Variants in CNTN6 observed in about 807,000 individuals in gnomAD.
CNTN6 encodes contactin 6, also known as contactin-6.
CNTN6 carries 137 observed loss-of-function variants against 122.8 expected under a neutral mutation model. That is an observed-to-expected ratio of 1.12 (90% confidence interval 0.97 to 1.29). CNTN6 has a LOEUF of 1.29. Among genes scored for constraint, CNTN6 ranks in the 50% most tolerant of loss-of-function variants. The pLI is 0.00. For missense variants in CNTN6, 1,634 were observed against 1,223.4 expected (o/e 1.34, Z -5.01); for synonymous variants, 570 against 426.0 (o/e 1.34, Z -4.16).
chr3:1,243,268 G>C (rs540058915), intron 4 of CNTN6, among the ~76,000 whole-genome samples: 106 of 152,302 alleles, frequency 7.0e-4, no homozygotes, highest in African/African-American at 2.3e-3. Context: ...TCTGGCACTT[G>C]TAGCAAGCTC....
chr3:1,191,676 T>TGGAC (rs1174680848), intron 2 of CNTN6, among the ~76,000 whole-genome samples: 1 of 152,182 alleles, frequency 6.6e-6, no homozygotes, highest in African/African-American at 2.4e-5. Context: ...AGCAGAAGTG[T>TGGAC]GGACACCCTG....
At chr3:1,268,530 C>G (rs1212808825) in intron 4 of CNTN6, among the ~76,000 whole-genome samples, 1 of 147,702 alleles carries the variant, frequency 6.8e-6, no homozygotes, top group Non-Finnish European at 1.5e-5. Context: ...TGGCGTGAAC[C>G]CGGGAGGAGG....
At chr3:1,389,577 A>C (rs1003447944) in intron 20 of CNTN6, among the ~76,000 whole-genome samples, 1 of 152,210 alleles carries the variant, frequency 6.6e-6, no homozygotes, top group Non-Finnish European at 1.5e-5. Flanking sequence ...TTAACTTTAA[A>C]TGTAAATGGA....
chr3:1,383,254 A>T (rs755231780), intron 18 of CNTN6, 39 bp from the exon 19 acceptor site: 10 of 1,599,946 alleles, frequency 6.3e-6, no homozygotes, highest in Non-Finnish European at 8.6e-6. Flanking sequence ...TCAATGAACC[A>T]CTCTGCTAAA....
chr3:1,137,628 G>T (rs191329550), intron 1 of CNTN6, among the ~76,000 whole-genome samples: 1 of 152,026 alleles, frequency 6.6e-6, no homozygotes, highest in Non-Finnish European at 1.5e-5. Context: ...GCATCTCATG[G>T]AAAAAAACAT....
At chr3:1,098,056 C>G (rs1249270253) in intron 1 of CNTN6, among the ~76,000 whole-genome samples, 16 of 146,950 alleles carry the variant, frequency 1.1e-4, no homozygotes, top group African/African-American at 4.0e-4. Flanking sequence ...CTGTATACAC[C>G]AAGCAATTGG....
intron 5 of CNTN6, among the ~76,000 whole-genome samples, chr3:1,288,997 T>G (rs891509413): frequency 2.6e-5 from 4 of 152,206 alleles, no homozygotes; most frequent in African/African-American, 9.7e-5. Context: ...ATCATTCAGC[T>G]CTAATGCTAC....
chr3:1,201,104 TGTGTGTG>T (rs1559501648), intron 2 of CNTN6, among the ~76,000 whole-genome samples: 1 of 30,264 alleles, frequency 3.3e-5, no homozygotes, highest in Non-Finnish European at 6.7e-5. Context: ...ACATTTTGTG[TGTGTGTG>T]TGTGTGTGTG....
chr3:1,229,433 C>T (rs1282015394), intron 4 of CNTN6, among the ~76,000 whole-genome samples: 1 of 152,068 alleles, frequency 6.6e-6, no homozygotes, highest in African/African-American at 2.4e-5. Context: ...GTAAAGGAAA[C>T]TCCATACAGC....
intron 6 of CNTN6, among the ~76,000 whole-genome samples, chr3:1,297,473 G>A (rs553332523): frequency 3.0e-4 from 46 of 152,054 alleles, no homozygotes; most frequent in Non-Finnish European, 4.7e-4. Flanking sequence ...CAAACTTAGC[G>A]GCAAAACCTT....
chr3:1,197,284 A>G (rs2093791653), intron 2 of CNTN6, among the ~76,000 whole-genome samples: 1 of 152,196 alleles, frequency 6.6e-6, no homozygotes, highest in South Asian at 2.1e-4. Flanking sequence ...AGGATACTGA[A>G]GCAGCTCCTG....
intron 2 of CNTN6, among the ~76,000 whole-genome samples, chr3:1,213,905 A>G (rs908655450): frequency 6.6e-6 from 1 of 152,168 alleles, no homozygotes; most frequent in Non-Finnish European, 1.5e-5. Context: ...GTTTGTAAAT[A>G]CAATAATATT....
chr3:1,208,039 T>G (rs2093981737), intron 2 of CNTN6, among the ~76,000 whole-genome samples: 1 of 152,128 alleles, frequency 6.6e-6, no homozygotes, highest in African/African-American at 2.4e-5. Flanking sequence ...TCTCACATCA[T>G]TCTTGTCCTC....
chr3:1,182,665 T>G (rs1315757686), intron 2 of CNTN6, among the ~76,000 whole-genome samples: 1 of 152,052 alleles, frequency 6.6e-6, no homozygotes. Context: ...CCTATAGTTA[T>G]ACCATGTATC....
intron 2 of CNTN6, among the ~76,000 whole-genome samples, chr3:1,201,143 G>A (rs1339243308): frequency 8.1e-6 from 1 of 122,926 alleles, no homozygotes; most frequent in African/African-American, 3.3e-5. Context: ...GTGTGTGTGT[G>A]TGTATTTTTT....
chr3:1,274,227 A>T (rs3772317), intron 4 of CNTN6, among the ~76,000 whole-genome samples: 25,165 of 152,186 alleles, frequency 0.17, 2,401 homozygotes, highest in South Asian at 0.33. Context: ...ATTTAAACTG[A>T]TACAAGCCAA....
chr3:1,290,759 G>A (rs576794337), intron 5 of CNTN6, among the ~76,000 whole-genome samples: 2 of 152,108 alleles, frequency 1.3e-5, no homozygotes, highest in Non-Finnish European at 2.9e-5. Flanking sequence ...GACCATATAG[G>A]GTAACTTTCT....
chr3:1,297,828 T>C, intron 6 of CNTN6, 61 bp from the exon 7 acceptor site: 1 of 1,321,608 alleles, frequency 7.6e-7, no homozygotes, highest in Non-Finnish European at 1.1e-6. Context: ...TAATGAAGCA[T>C]TTACTTCATA....
chr3:1,135,776 T>G (rs1341604161), intron 1 of CNTN6, among the ~76,000 whole-genome samples: 1 of 152,150 alleles, frequency 6.6e-6, no homozygotes, highest in African/African-American at 2.4e-5. Context: ...GTGGATCACC[T>G]GAGGTCAGTA....
Sources: allele counts gnomAD v4.1 joint callset (sites outside exome capture counted in the v4.1 genomes callset), GRCh38; gene constraint gnomAD v4.1.1; transcripts MANE v1.5; gene names NCBI Gene and HGNC (gene_info 2026-07-23, HGNC 2026-07-21).